The following ELL2 variants were observed in gnomAD, a reference collection of about 807,000 sequenced individuals.
ELL2 encodes the protein elongation factor for RNA polymerase II 2, also known as RNA polymerase II elongation factor ELL2.
In ELL2, 21 loss-of-function variants were observed where a neutral mutation model predicts 72.8. The ratio of observed to expected loss-of-function variants is 0.29; its 90% CI spans 0.20 to 0.42. The LOEUF (loss-of-function observed/expected upper bound fraction) is 0.42, where lower values mean the gene tolerates loss of function less well. Ranked by LOEUF, ELL2 falls within the 10% of genes least tolerant of loss-of-function variation. The pLI, the probability that ELL2 is intolerant of heterozygous loss-of-function variation, is 1.00. For missense variants in ELL2, 568 were observed against 772.8 expected (o/e 0.73, Z 3.14); for synonymous variants, 266 against 283.2 (o/e 0.94, Z 0.61).
intron 5 of ELL2, among the ~76,000 whole-genome samples, chr5:95,905,740 C>G (rs924247731): frequency 5.1e-4 from 70 of 137,370 alleles, no homozygotes; most frequent in African/African-American, 1.7e-3. Context: ...AGATCAAAAC[C>G]TGTAGGGTTT....
chr5:95,904,734 C>T (rs1248084049), intron 5 of ELL2, among the ~76,000 whole-genome samples: 1 of 152,164 alleles, frequency 6.6e-6, no homozygotes, highest in African/African-American at 2.4e-5. Context: ...TGCGGCTCTT[C>T]TTTTCTCTGG....
At position 95,906,612 on chromosome 5, in the gene ELL2, C is replaced by G. The variant is rs756709646; in HGVS notation, c.652G>C (p.Ala218Pro). Residue 218 changes from alanine (A) to proline (P), a missense_variant, in exon 5 of 12, where the codon GCC becomes CCC. Transcript: ENST00000237853. ...GCAAGTAGCTCCGGTTTCTTGTAGG[C>G]CTTCAGGGCCAGTAAGTGAATCACC... ...DRVIHLLALK[A>P]YKKPELLARL... 1.2e-5 allele frequency: 20 copies of G among 1,613,962 alleles called. No homozygotes were observed. Among genetic ancestry groups the G allele is most frequent in the Admixed American group, 5.0e-5 (3 of 59,994 alleles).
At chr5:95,903,071 C>G (rs1032548767) in intron 5 of ELL2, among the ~76,000 whole-genome samples, 2 of 152,040 alleles carry the variant, frequency 1.3e-5, no homozygotes, top group African/African-American at 4.8e-5. Context: ...TAGGTGTGAG[C>G]CACTACGCCC....
Position 95,898,578 on chromosome 5 carries a change from G to T in ELL2, c.1187C>A (p.Ser396Tyr), listed in dbSNP as rs567513100. ...GCCTTCTGGAGTGCTAGGGGAGTTG[G>T]AGTTAGAATTTACAATCTGAGGAGG... The part of the protein sequence containing the change: ...SHPPQIVNSN[S>Y]NSPSTPEGRG... Residue 396 changes from serine to tyrosine, a missense_variant, in exon 8 of 12, where the codon TCC (serine) becomes TAC (tyrosine). This residue lies in a region of ELL2 where 511 missense variants were observed against 728.4 expected (regional missense o/e 0.70). Transcript: ENST00000237853. 1 of 1,613,990 alleles carries T rather than the reference G, an allele frequency of 6.2e-7. No individual in the cohort carries two copies. Among genetic ancestry groups the T allele is most frequent in the South Asian group, 1.1e-5 (1 of 91,060 alleles).
Position 95,959,355 on chromosome 5 carries a change from G to A in ELL2, c.147+2220C>T, listed in dbSNP as rs149757223. The stretch of plus-strand genomic sequence containing the variant: ...GTCTGCTCCTGAATAGGGGCTGGCC[G>A]CCTCCTGCTGACTTCTTTTTCTCTG... On this transcript the variant is annotated intron_variant, in intron 1 of 11. Transcript: ENST00000237853. 5.3e-5 allele frequency among the ~76,000 whole-genome samples: 8 copies of A among 152,238 alleles called. No homozygotes were observed. In the East Asian group the frequency reaches 9.7e-4, roughly 18 times the overall value.
intron 2 of ELL2, among the ~76,000 whole-genome samples, chr5:95,921,135 A>T (rs952105602): frequency 6.6e-6 from 1 of 152,262 alleles, no homozygotes; most frequent in Non-Finnish European, 1.5e-5. Flanking sequence ...GAAAAAGGTA[A>T]AAAGAAAAAA....
At chr5:95,947,713 T>C (rs977229854) in intron 1 of ELL2, among the ~76,000 whole-genome samples, 2 of 152,218 alleles carry the variant, frequency 1.3e-5, no homozygotes, top group African/African-American at 4.8e-5. Flanking sequence ...GCCTCTGAAA[T>C]GTGTTACCCC....
At chr5:95,947,412 C>T (rs1751201225) in intron 1 of ELL2, among the ~76,000 whole-genome samples, 1 of 152,170 alleles carries the variant, frequency 6.6e-6, no homozygotes, top group Non-Finnish European at 1.5e-5. Flanking sequence ...GACTTCTTGA[C>T]ATGCTTATAG....
intron 4 of ELL2, among the ~76,000 whole-genome samples, chr5:95,910,452 ATTT>A (rs1257772959): frequency 6.7e-6 from 1 of 148,742 alleles, no homozygotes; most frequent in Non-Finnish European, 1.5e-5. Context: ...GTGACGAGTG[ATTT>A]TTTTTTTTAT....
intron 1 of ELL2, 84 bp downstream of exon 1, chr5:95,961,491 C>A: frequency 1.5e-6 from 2 of 1,351,392 alleles, no homozygotes; most frequent in South Asian, 3.8e-5. Context: ...GCCACGGCTC[C>A]GCCGGCCCCG....
At chr5:95,892,845 T>C (rs749129376) in intron 9 of ELL2, among the ~76,000 whole-genome samples, 7 of 152,160 alleles carry the variant, frequency 4.6e-5, no homozygotes, top group Non-Finnish European at 7.4e-5. Flanking sequence ...CTAAGTATAA[T>C]TGAGACAGTG....
intron 2 of ELL2, among the ~76,000 whole-genome samples, chr5:95,931,987 T>TTA (rs1006582738): frequency 4.0e-5 from 6 of 149,964 alleles, no homozygotes; most frequent in African/African-American, 1.5e-4. Flanking sequence ...TGTTTTTTTT[T>TTA]TTTTGTATCA....
At chr5:95,911,056 G>A (rs3777193) in intron 4 of ELL2, among the ~76,000 whole-genome samples, 56,775 of 151,952 alleles carry the variant, frequency 0.37, 11,939 homozygotes, top group African/African-American at 0.58. Flanking sequence ...GTGCACAGCA[G>A]GCACTCAATA....
rs956825417 is a variant in ELL2 at position 95,887,985 on chromosome 5, A to G, written c.*886T>C. On this transcript the variant is annotated 3_prime_UTR_variant, in exon 12 of 12. Coordinates refer to ENST00000237853, the MANE Select transcript of ELL2 (RefSeq NM_012081.6). Reference sequence around the variant, plus strand: ...GTAGCAATTTGATAGAAGAAAAAAAACAAAAAAACAAAAAAACACCCTACA... The same window carrying G: ...GTAGCAATTTGATAGAAGAAAAAAAGCAAAAAAACAAAAAAACACCCTACA... 8 of 152,448 alleles carry G rather than the reference A, an allele frequency of 5.2e-5. No individual in the cohort carries two copies. The highest frequency in any genetic ancestry group is 1.7e-4 in the African/African-American group (7 of 41,360). The allele number at this position is 152,448 out of a possible 1,614,324, so 9.4% of individuals were successfully genotyped here.
intron 4 of ELL2, among the ~76,000 whole-genome samples, chr5:95,907,405 G>A (rs1381290988): frequency 6.6e-6 from 1 of 150,598 alleles, no homozygotes; most frequent in Non-Finnish European, 1.5e-5. Context: ...CCTCTGCAGT[G>A]CTGAGACTAC....
chr5:95,959,519 GT>G (rs895136938), intron 1 of ELL2, among the ~76,000 whole-genome samples: 1 of 152,132 alleles, frequency 6.6e-6, no homozygotes, highest in African/African-American at 2.4e-5. Context: ...TCTCTCCACT[GT>G]CTGCTTCTGT....
Position 95,886,953 on chromosome 5 carries a change from C to G in ELL2, c.*1918G>C, listed in dbSNP as rs1442947656. On this transcript the variant is annotated 3_prime_UTR_variant, in exon 12 of 12. Coordinates refer to ENST00000237853, the MANE Select transcript of ELL2 (RefSeq NM_012081.6). ...GTCCAAGAAATAACACCAATGAGTT[C>G]ATTACCTATAGACGAACCACTCAGG... 3 of 152,204 alleles carry G rather than the reference C, an allele frequency of 2.0e-5. No individual in the cohort carries two copies. Among genetic ancestry groups the G allele is most frequent in the Admixed American group, 1.3e-4 (2 of 15,268 alleles). The allele number at this position is 152,204 out of a possible 1,614,324, so 9.4% of individuals were successfully genotyped here.
intron 1 of ELL2, among the ~76,000 whole-genome samples, chr5:95,946,486 C>CT (rs1751163577): frequency 3.3e-5 from 5 of 152,162 alleles, no homozygotes; most frequent in Admixed American, 3.3e-4. Flanking sequence ...GGCTTTTTCC[C>CT]TTCCTTGAAG....
rs184071592 is a variant in ELL2 at position 95,901,364 on chromosome 5, A to T, written c.742-284T>A. On this transcript the variant is annotated intron_variant, in intron 5 of 11. Transcript: ENST00000237853. ...ATATTAGGAAAAAAGTGAAGATTTTAAAAAAATCAATTATTTTAGTCAAAG... is the reference window on the plus strand; with the variant it reads ...ATATTAGGAAAAAAGTGAAGATTTTTAAAAAATCAATTATTTTAGTCAAAG... 5.7e-3 allele frequency among the ~76,000 whole-genome samples: 869 copies of T among 152,316 alleles called. 18 individuals carry two copies. Among genetic ancestry groups the T allele is most frequent in the East Asian group, 0.043 (225 of 5,188 alleles).
Sources: allele counts gnomAD v4.1 joint callset (sites outside exome capture counted in the v4.1 genomes callset), GRCh38; gene constraint gnomAD v4.1.1; regional missense constraint gnomAD v4.1.1; transcripts MANE v1.5; gene names NCBI Gene and HGNC (gene_info 2026-07-23, HGNC 2026-07-21).